The following CNTNAP2 variants were observed in gnomAD, a reference collection of about 807,000 sequenced individuals.
CNTNAP2 encodes contactin associated protein 2.
In CNTNAP2, 98 loss-of-function variants were observed where a neutral mutation model predicts 155.2. The ratio of observed to expected loss-of-function variants is 0.63; its 90% confidence interval spans 0.54 to 0.75. The LOEUF (loss-of-function observed/expected upper bound fraction) is 0.75, where lower values mean the gene tolerates loss of function less well. Ranked by LOEUF, CNTNAP2 falls within the 30% of genes least tolerant of loss-of-function variation. CNTNAP2 has a pLI of 0.00. For missense variants in CNTNAP2, 1,727 were observed against 1,688.1 expected, an observed-to-expected ratio of 1.02 and a Z score of -0.40; for synonymous variants, 651 against 631.2, an observed-to-expected ratio of 1.03 and a Z score of -0.47.
intron 13 of CNTNAP2, among the ~76,000 whole-genome samples, chr7:147,790,800 C>T (rs2116572443): frequency 6.6e-6 from 1 of 152,344 alleles, no homozygotes; most frequent in African/African-American, 2.4e-5. Flanking sequence ...TATAAACCCT[C>T]CACCTATGTG....
chr7:147,754,109 T>C (rs1797179949), intron 13 of CNTNAP2, among the ~76,000 whole-genome samples: 2 of 152,054 alleles, frequency 1.3e-5, no homozygotes, highest in Admixed American at 6.6e-5. Flanking sequence ...AGAAGCCAGA[T>C]TAAAGAGGCT....
At chr7:148,314,982 C>T (rs1028771140) in intron 21 of CNTNAP2, among the ~76,000 whole-genome samples, 1 of 152,072 alleles carries the variant, frequency 6.6e-6, no homozygotes, top group African/African-American at 2.4e-5. Flanking sequence ...TGAAGTGTGG[C>T]ACCAAGATTG....
chr7:146,651,644 A>C (rs1166603080), intron 1 of CNTNAP2, among the ~76,000 whole-genome samples: 4 of 152,164 alleles, frequency 2.6e-5, no homozygotes, highest in Non-Finnish European at 5.9e-5. Context: ...TGTATAGTAC[A>C]CCAAGATAAG....
intron 15 of CNTNAP2, among the ~76,000 whole-genome samples, chr7:148,105,944 G>A (rs1804205752): frequency 6.6e-6 from 1 of 152,176 alleles, no homozygotes; most frequent in Non-Finnish European, 1.5e-5. Flanking sequence ...AATTTGAGAT[G>A]AGCAGCAGCA....
chr7:146,963,340 C>G (rs370633078), intron 3 of CNTNAP2, among the ~76,000 whole-genome samples: 58 of 152,204 alleles, frequency 3.8e-4, no homozygotes, highest in Middle Eastern at 3.4e-3. Flanking sequence ...TCTCAAATGT[C>G]ATGTATCTTT....
intron 13 of CNTNAP2, among the ~76,000 whole-genome samples, chr7:147,769,236 A>T (rs191833950): frequency 2.9e-4 from 44 of 152,148 alleles, no homozygotes; most frequent in Non-Finnish European, 5.4e-4. Context: ...TAAACATTAC[A>T]ATAACATTTT....
chr7:147,530,399 C>T lies in CNTNAP2; in HGVS notation c.1778-31739C>T, dbSNP rs568241697. Reference sequence around the variant, plus strand: ...TTCACTGTGTTGGCCAGGCTGGTCTCGAACTTCTGACCTTGTGATCTGCCT... The same window carrying T: ...TTCACTGTGTTGGCCAGGCTGGTCTTGAACTTCTGACCTTGTGATCTGCCT... On this transcript the variant is annotated intron_variant, in intron 11 of 23. Transcript: ENST00000361727. 4.6e-4 allele frequency among the ~76,000 whole-genome samples: 70 copies of T among 152,100 alleles called. 1 individual carries two copies. Among genetic ancestry groups the T allele is most frequent in the Admixed American group, 1.4e-3 (22 of 15,258 alleles).
At chr7:146,304,688 T>G (rs1800676618) in intron 1 of CNTNAP2, among the ~76,000 whole-genome samples, 1 of 152,180 alleles carries the variant, frequency 6.6e-6, no homozygotes, top group Non-Finnish European at 1.5e-5. Context: ...CCTTTCTCTC[T>G]GGCTGCCCTT....
intron 13 of CNTNAP2, among the ~76,000 whole-genome samples, chr7:147,832,812 T>C (rs972105440): frequency 8.6e-5 from 12 of 138,802 alleles, no homozygotes; most frequent in African/African-American, 3.2e-4. Flanking sequence ...TTTAATTATA[T>C]ATAGTTATAT....
At chr7:148,405,875 G>A (rs369769771) in intron 22 of CNTNAP2, among the ~76,000 whole-genome samples, 53 of 151,616 alleles carry the variant, frequency 3.5e-4, no homozygotes, top group African/African-American at 9.4e-4. Flanking sequence ...TGGACTCACC[G>A]TGCCTGGCCT....
intron 3 of CNTNAP2, among the ~76,000 whole-genome samples, chr7:146,971,357 G>A (rs904084289): frequency 2.0e-5 from 3 of 152,090 alleles, no homozygotes; most frequent in Admixed American, 2.0e-4. Flanking sequence ...AAATTGGAAA[G>A]GCTTTCTTTT....
chr7:147,601,208 C>T (rs373756767), intron 12 of CNTNAP2, among the ~76,000 whole-genome samples: 7 of 152,110 alleles, frequency 4.6e-5, no homozygotes, highest in African/African-American at 1.7e-4. Flanking sequence ...TTTTCACTGG[C>T]GTCCCTGTGA....
chr7:146,129,264 A>G (rs918320709), intron 1 of CNTNAP2, among the ~76,000 whole-genome samples: 59 of 152,322 alleles, frequency 3.9e-4, no homozygotes, highest in African/African-American at 1.4e-3. Context: ...ATTTCAGAAT[A>G]TTGCAAATAA....
intron 10 of CNTNAP2, among the ~76,000 whole-genome samples, chr7:147,403,271 A>G (rs1019461206): frequency 6.6e-6 from 1 of 152,222 alleles, no homozygotes; most frequent in Non-Finnish European, 1.5e-5. Context: ...ACCTTTCCAG[A>G]TGGAACCAAC....
At chr7:146,467,085 A>G (rs1354823592) in intron 1 of CNTNAP2, among the ~76,000 whole-genome samples, 1 of 152,178 alleles carries the variant, frequency 6.6e-6, no homozygotes, top group African/African-American at 2.4e-5. Flanking sequence ...ACAAATGACA[A>G]TATATGAAAG....
At chr7:147,353,389 C>A (rs1796003518) in intron 9 of CNTNAP2, among the ~76,000 whole-genome samples, 1 of 151,898 alleles carries the variant, frequency 6.6e-6, no homozygotes, top group Admixed American at 6.6e-5. Flanking sequence ...TGAGTGAGAA[C>A]ATGTGGTGTT....
chr7:146,889,573 G>T (rs1288544813), intron 3 of CNTNAP2, among the ~76,000 whole-genome samples: 2 of 151,912 alleles, frequency 1.3e-5, no homozygotes. Flanking sequence ...ATTCTGCATG[G>T]TCTTCTTATT....
At chr7:146,304,275 G>A (rs973554504) in intron 1 of CNTNAP2, among the ~76,000 whole-genome samples, 6 of 151,844 alleles carry the variant, frequency 4.0e-5, no homozygotes, top group African/African-American at 1.5e-4. Flanking sequence ...TTACAGTTAA[G>A]GTTAATATTG....
At chr7:147,200,994 G>T (rs145572370) in intron 8 of CNTNAP2, among the ~76,000 whole-genome samples, 1 of 152,320 alleles carries the variant, frequency 6.6e-6, no homozygotes, top group East Asian at 1.9e-4. Flanking sequence ...TATTTTAGAA[G>T]AGTGAAGATG....
Sources: gnomAD v4.1 joint callset for allele counts (sites outside exome capture counted in the v4.1 genomes callset) on GRCh38, gnomAD v4.1.1 for gene constraint, MANE v1.5 for transcripts, NCBI Gene and HGNC (gene_info 2026-07-23, HGNC 2026-07-21) for gene names.